Variants in ARPP21 observed in about 807,000 individuals in gnomAD.
ARPP21 encodes cAMP regulated phosphoprotein 21.
ARPP21 carries 69 observed loss-of-function variants against 113.2 expected under a neutral mutation model. The observed-to-expected ratio is 0.61, with a 90% CI of 0.50 to 0.74. The LOEUF is 0.74. Among genes scored for constraint, ARPP21 ranks in the 30% least tolerant of loss-of-function variants. ARPP21 has a pLI of 0.00. For missense variants in ARPP21, 1,070 were observed against 1,037.4 expected, an observed-to-expected ratio of 1.03 and a Z score of -0.43; for synonymous variants, 368 against 375.5, an observed-to-expected ratio of 0.98 and a Z score of 0.23.
intron 1 of ARPP21, among the ~76,000 whole-genome samples, chr3:35,669,270 A>C (rs751266395): frequency 6.6e-6 from 1 of 152,180 alleles, no homozygotes; most frequent in African/African-American, 2.4e-5. Context: ...CTCAACAAAA[A>C]GATTCCACTT....
intron 19 of ARPP21, among the ~76,000 whole-genome samples, chr3:35,764,461 T>A (rs2095883125): frequency 6.6e-6 from 1 of 152,142 alleles, no homozygotes. Context: ...TCTTTTCTTC[T>A]CTTCAATGGC....
intron 11 of ARPP21, among the ~76,000 whole-genome samples, chr3:35,711,767 C>A (rs1253466736): frequency 1.3e-5 from 2 of 152,164 alleles, no homozygotes; most frequent in African/African-American, 2.4e-5. Flanking sequence ...CAGTTCCTTA[C>A]AATGTAGGCT....
intron 13 of ARPP21, among the ~76,000 whole-genome samples, chr3:35,720,173 A>G (rs537356456): frequency 5.7e-5 from 8 of 140,770 alleles, no homozygotes; most frequent in African/African-American, 2.1e-4. Flanking sequence ...TAGAGGATGG[A>G]GGGCACTGAG....
intron 1 of ARPP21, among the ~76,000 whole-genome samples, chr3:35,654,855 C>T (rs1162227145): frequency 2.0e-5 from 3 of 151,976 alleles, no homozygotes; most frequent in Admixed American, 6.6e-5. Flanking sequence ...AAGGTAGTGA[C>T]TTTGTTAAAA....
intron 1 of ARPP21, among the ~76,000 whole-genome samples, chr3:35,648,829 G>A (rs186669080): frequency 6.4e-4 from 98 of 152,220 alleles, no homozygotes; most frequent in African/African-American, 1.8e-3. Context: ...TTCTTCTGGG[G>A]AATAGCCTAA....
intron 19 of ARPP21, 112 bp downstream of exon 19, chr3:35,744,077 C>G: frequency 2.6e-6 from 3 of 1,149,020 alleles, no homozygotes; most frequent in Non-Finnish European, 3.9e-6. Flanking sequence ...CACATTTTCT[C>G]TACCCAGAGA....
At chr3:35,734,169 GTC>G (rs1474390826) in intron 15 of ARPP21, among the ~76,000 whole-genome samples, 1 of 152,056 alleles carries the variant, frequency 6.6e-6, no homozygotes, top group African/African-American at 2.4e-5. Context: ...TCGTATGCCT[GTC>G]TCTCTGATTT....
intron 19 of ARPP21, among the ~76,000 whole-genome samples, chr3:35,783,884 T>A (rs2096577435): frequency 6.6e-6 from 1 of 152,178 alleles, no homozygotes; most frequent in South Asian, 2.1e-4. Context: ...TGCTGATCCT[T>A]ATGTTTATGC....
At chr3:35,771,082 C>T (rs541170011) in intron 19 of ARPP21, among the ~76,000 whole-genome samples, 2 of 152,290 alleles carry the variant, frequency 1.3e-5, no homozygotes, top group South Asian at 4.1e-4. Context: ...AGCTCATCTG[C>T]GAGTGCCCTG....
At chr3:35,793,610 A>C in intron 20 of ARPP21, 91 bp from the exon 21 acceptor site, 1 of 882,136 alleles carries the variant, frequency 1.1e-6, no homozygotes, top group Admixed American at 1.9e-5. Flanking sequence ...TCTAACTCAA[A>C]AGTTTGAATA....
intron 17 of ARPP21, 139 bp from the exon 18 acceptor site, chr3:35,739,175 AATT>A: frequency 9.6e-7 from 1 of 1,045,828 alleles, no homozygotes; most frequent in Non-Finnish European, 1.4e-6. Context: ...CTGGCTGAAG[AATT>A]ATTTTATTTT....
intron 19 of ARPP21, among the ~76,000 whole-genome samples, chr3:35,751,293 T>C (rs771800417): frequency 1.1e-4 from 16 of 152,164 alleles, no homozygotes; most frequent in Non-Finnish European, 1.3e-4. Flanking sequence ...GAATGATTCA[T>C]TTTGGGTAAA....
At chr3:35,773,476 A>G (rs995506877) in intron 19 of ARPP21, among the ~76,000 whole-genome samples, 14 of 152,152 alleles carry the variant, frequency 9.2e-5, no homozygotes, top group Admixed American at 8.5e-4. Context: ...AAATCAAACA[A>G]TAATTGTATT....
chr3:35,685,520 G>A (rs1175049948), intron 5 of ARPP21: 22 of 985,140 alleles, frequency 2.2e-5, no homozygotes, highest in Non-Finnish European at 2.4e-5. Context: ...CTTACAAAAT[G>A]TGCGGACTGA....
chr3:35,721,640 G>A lies in ARPP21; in HGVS notation c.1031G>A (p.Ser344Asn). ...GATGGCTCAGGGAGAACATCTGGGA[G>A]TCGACAGAGCAGCTCAGAAAATGAA... Reference protein sequence around the residue: ...NRDGSGRTSGSRQSSSENELK... With the variant: ...NRDGSGRTSGNRQSSSENELK... Residue 344 changes from serine to asparagine, a missense_variant, in exon 14 of 21, where the codon AGT (serine) becomes AAT (asparagine). Transcript: ENST00000684406. The A allele has an allele frequency of 6.2e-7, 1 of 1,613,634 alleles. No homozygotes were observed. The highest frequency in any genetic ancestry group is 8.5e-7 in the Non-Finnish European group (1 of 1,179,644).
chr3:35,722,343 C>T (rs866292346), intron 14 of ARPP21, among the ~76,000 whole-genome samples: 4 of 152,100 alleles, frequency 2.6e-5, no homozygotes, highest in South Asian at 2.1e-4. Flanking sequence ...GCTGTTAGTA[C>T]GATCCTGGAC....
At chr3:35,682,953 G>A in intron 4 of ARPP21, 64 bp downstream of exon 4, 2 of 1,432,914 alleles carry the variant, frequency 1.4e-6, no homozygotes, top group African/African-American at 1.4e-5. Flanking sequence ...TTTTACATCA[G>A]AGTTAAAGGA....
chr3:35,649,577 C>A (rs906831767), intron 1 of ARPP21, among the ~76,000 whole-genome samples: 3 of 152,094 alleles, frequency 2.0e-5, no homozygotes, highest in Non-Finnish European at 4.4e-5. Context: ...GAGAGATTAA[C>A]CATGGTGAAG....
intron 19 of ARPP21, among the ~76,000 whole-genome samples, chr3:35,770,325 G>A (rs2151496013): frequency 6.6e-6 from 1 of 152,244 alleles, no homozygotes; most frequent in African/African-American, 2.4e-5. Flanking sequence ...ACCAAAGGTA[G>A]TTTATTTCAA....
Sources: gnomAD v4.1 joint callset for allele counts (sites outside exome capture counted in the v4.1 genomes callset) on GRCh38, gnomAD v4.1.1 for gene constraint, MANE v1.5 for transcripts, NCBI Gene and HGNC (gene_info 2026-07-23, HGNC 2026-07-21) for gene names.